The following KIFAP3 variants were observed in gnomAD, a reference collection of about 807,000 sequenced individuals.
KIFAP3 encodes the protein kinesin-associated protein 3.
Under a neutral mutation model 106.5 loss-of-function variants are expected in KIFAP3, and 68 were observed. The ratio of observed to expected loss-of-function variants is 0.64; its 90% CI spans 0.53 to 0.78. The LOEUF is 0.78. KIFAP3 is among the 30% of genes least tolerant of loss of function. The pLI, the probability that KIFAP3 is intolerant of heterozygous loss-of-function variation, is 0.00. For missense variants in KIFAP3, 780 were observed against 941.8 expected, an observed-to-expected ratio of 0.83 and a Z score of 2.25; for synonymous variants, 320 against 311.5, an observed-to-expected ratio of 1.03 and a Z score of -0.29.
intron 16 of KIFAP3, 68 bp downstream of exon 16, chr1:169,978,016 AC>A: frequency 1.9e-6 from 2 of 1,042,222 alleles, no homozygotes; most frequent in East Asian, 2.4e-5. Context: ...AAAAAAAAAA[AC>A]AACTCAAAGA....
chr1:169,975,158 A>T (rs555588757), intron 16 of KIFAP3, among the ~76,000 whole-genome samples: 2 of 152,270 alleles, frequency 1.3e-5, no homozygotes, highest in East Asian at 3.9e-4. Flanking sequence ...TCAGCAGATG[A>T]GGAACCCCCA....
At chr1:169,986,288 A>C (rs1666825608) in intron 11 of KIFAP3, among the ~76,000 whole-genome samples, 1 of 151,940 alleles carries the variant, frequency 6.6e-6, no homozygotes, top group South Asian at 2.1e-4. Context: ...ACAGCTGAAA[A>C]CCAAAATTAA....
In KIFAP3 at chr1:169,954,100, A is replaced by T; in HGVS notation, c.2184T>A (p.Ile728=). ...PDLFYNSDGL[I]ASEGAISPDF... is the part of the protein sequence containing the mutation. ...CGGGACTTATGGCTCCTTCAGAGGC[A>T]ATTAATCCATCTAGAAAGAAAAAAA... Residue 728 remains isoleucine, a synonymous_variant, in exon 19 of 20, where the codon ATT becomes ATA. Coordinates refer to ENST00000361580, the MANE Select transcript of KIFAP3 (RefSeq NM_014970.4). The T allele has an allele frequency of 6.2e-7, 1 of 1,607,714 alleles. No individual in the cohort carries two copies. The highest frequency in any genetic ancestry group is 8.5e-7 in the Non-Finnish European group (1 of 1,174,300).
At chr1:169,988,657 AT>A (rs1163835892) in intron 11 of KIFAP3, among the ~76,000 whole-genome samples, 1 of 151,956 alleles carries the variant, frequency 6.6e-6, no homozygotes, top group Non-Finnish European at 1.5e-5. Context: ...TACCTTTTTA[AT>A]TCCTGAAGGA....
chr1:169,922,179 G>A (rs2101756625), intron 19 of KIFAP3, among the ~76,000 whole-genome samples: 1 of 152,224 alleles, frequency 6.6e-6, no homozygotes, highest in East Asian at 1.9e-4. Context: ...GAGTTTTGCT[G>A]TTTATAATGT....
intron 2 of KIFAP3, among the ~76,000 whole-genome samples, chr1:170,047,094 C>T (rs568959927): frequency 2.0e-5 from 3 of 152,218 alleles, no homozygotes; most frequent in South Asian, 4.2e-4. Flanking sequence ...TTTTCAGACT[C>T]TCTAGGCAAG....
intron 19 of KIFAP3, among the ~76,000 whole-genome samples, chr1:169,952,196 T>A (rs1197336059): frequency 6.6e-6 from 1 of 151,966 alleles, no homozygotes; most frequent in African/African-American, 2.4e-5. Flanking sequence ...GGCTACTATT[T>A]ATTTAAAGTA....
chr1:169,936,961 T>TTATATA (rs58498952), intron 19 of KIFAP3, among the ~76,000 whole-genome samples: 1,879 of 145,796 alleles, frequency 0.013, 39 homozygotes, highest in African/African-American at 0.041. Context: ...GGAATATATA[T>TTATATA]TATATATATA....
chr1:170,039,724 A>G (rs1269071751), intron 3 of KIFAP3, among the ~76,000 whole-genome samples: 1 of 152,156 alleles, frequency 6.6e-6, no homozygotes, highest in Non-Finnish European at 1.5e-5. Context: ...AGAAAAAAAA[A>G]TTGGTAAATT....
At chr1:169,991,216 G>A (rs1667084747) in intron 11 of KIFAP3, among the ~76,000 whole-genome samples, 1 of 151,958 alleles carries the variant, frequency 6.6e-6, no homozygotes, top group East Asian at 1.9e-4. Flanking sequence ...TCATGGTGGT[G>A]CACACCTGTA....
At chr1:170,047,379 G>C (rs1670311605) in intron 2 of KIFAP3, among the ~76,000 whole-genome samples, 1 of 151,906 alleles carries the variant, frequency 6.6e-6, no homozygotes, top group Admixed American at 6.6e-5. Flanking sequence ...CCAGCACTTT[G>C]GGAGGCCGAG....
rs539194458 is a variant in KIFAP3, at chr1:170,055,284, G to A, written c.164+21C>T. The A allele has an allele frequency of 5.0e-6, 8 of 1,589,466 alleles. No homozygotes were observed. In the African/African-American group the frequency reaches 5.4e-5, roughly 11 times the overall value. On this transcript the variant is annotated intron_variant, in intron 2 of 19. Coordinates refer to ENST00000361580, the MANE Select transcript of KIFAP3 (RefSeq NM_014970.4). The stretch of plus-strand genomic sequence containing the variant: ...ATATAATGTTCACTACTTTCAAAAT[G>A]TGCACAAATAAAGAACTTACATTTT...
intron 10 of KIFAP3, among the ~76,000 whole-genome samples, chr1:169,997,357 A>G (rs1401600603): frequency 6.6e-6 from 1 of 151,896 alleles, no homozygotes; most frequent in Non-Finnish European, 1.5e-5. Flanking sequence ...TATGTTGACA[A>G]TAACATTTTT....
intron 10 of KIFAP3, among the ~76,000 whole-genome samples, chr1:170,000,922 C>T (rs535124485): frequency 1.3e-5 from 2 of 152,104 alleles, no homozygotes; most frequent in Admixed American, 6.5e-5. Flanking sequence ...CAGTGGTTCA[C>T]GGATAAGTAA....
intron 10 of KIFAP3, among the ~76,000 whole-genome samples, chr1:170,015,350 C>T (rs576057167): frequency 5.9e-5 from 9 of 152,254 alleles, no homozygotes; most frequent in Non-Finnish European, 8.8e-5. Flanking sequence ...TGAAAGGTCA[C>T]ATGATTTAAA....
At chr1:169,972,753 T>A (rs1427259193) in intron 16 of KIFAP3, among the ~76,000 whole-genome samples, 155 bp from the exon 17 acceptor site, 1 of 151,682 alleles carries the variant, frequency 6.6e-6, no homozygotes, top group Admixed American at 6.6e-5. Flanking sequence ...CCAAAAACAC[T>A]TAATGTTTCA....
At chr1:169,995,592 A>G (rs1667330183) in intron 10 of KIFAP3, among the ~76,000 whole-genome samples, 1 of 152,134 alleles carries the variant, frequency 6.6e-6, no homozygotes, top group African/African-American at 2.4e-5. Flanking sequence ...TAACCAATAT[A>G]AAAGATTCTT....
At chr1:170,050,905 A>G (rs6662348) in intron 2 of KIFAP3, among the ~76,000 whole-genome samples, 2 of 152,116 alleles carry the variant, frequency 1.3e-5, no homozygotes, top group Admixed American at 6.6e-5. Flanking sequence ...AAATATAACG[A>G]CCAATGACAC....
intron 19 of KIFAP3, among the ~76,000 whole-genome samples, chr1:169,936,595 A>G (rs951234950): frequency 1.3e-5 from 2 of 151,804 alleles, no homozygotes; most frequent in Non-Finnish European, 3.0e-5. Flanking sequence ...CTTAGCTTAG[A>G]GTGCTATAAA....
Sources: allele counts gnomAD v4.1 joint callset (sites outside exome capture counted in the v4.1 genomes callset), GRCh38; gene constraint gnomAD v4.1.1; transcripts MANE v1.5; gene names NCBI Gene and HGNC (gene_info 2026-07-23, HGNC 2026-07-21).